ATP2B1: variants seen among roughly 807,000 people sequenced by gnomAD.
ATP2B1 encodes ATPase plasma membrane Ca2+ transporting 1.
ATP2B1 carries 14 observed loss-of-function variants against 124.2 expected under a neutral mutation model. The ratio of observed to expected loss-of-function variants is 0.11; its 90% confidence interval spans 0.07 to 0.18. The LOEUF (loss-of-function observed/expected upper bound fraction) is 0.18. ATP2B1 is among the 10% of genes least tolerant of loss of function. The pLI, the probability that ATP2B1 is intolerant of heterozygous loss-of-function variation, is 1.00. For missense variants in ATP2B1, 763 were observed against 1,466.1 expected (o/e 0.52, Z 7.83); for synonymous variants, 449 against 492.4 (o/e 0.91, Z 1.17).
intron 8 of ATP2B1, among the ~76,000 whole-genome samples, chr12:89,625,193 G>A (rs375538310): frequency 2.0e-5 from 3 of 152,102 alleles, no homozygotes; most frequent in African/African-American, 7.2e-5. Context: ...CTGAACCCAG[G>A]AGGCAGAGGT....
intron 1 of ATP2B1, among the ~76,000 whole-genome samples, chr12:89,677,071 C>T (rs1274377890): frequency 6.6e-6 from 1 of 152,086 alleles, no homozygotes; most frequent in Non-Finnish European, 1.5e-5. Context: ...AATCACAGTG[C>T]TATCCTGAAA....
intron 1 of ATP2B1, among the ~76,000 whole-genome samples, chr12:89,703,056 A>G (rs1291664964): frequency 6.6e-6 from 1 of 152,248 alleles, no homozygotes; most frequent in Non-Finnish European, 1.5e-5. Context: ...GGTGTAGCCA[A>G]CAAGACTAAG....
chr12:89,591,635 G>A lies in ATP2B1; in HGVS notation c.3352-340C>T, dbSNP rs140989483. On this transcript the variant is annotated intron_variant, in intron 20 of 20. Coordinates refer to ENST00000428670, the MANE Select transcript of ATP2B1 (RefSeq NM_001366521.1). The stretch of plus-strand genomic sequence containing the variant: ...AAAACAAAAACTTAACCATACACAA[G>A]CTTAGCTGATTTTTTAAATTAAAAA... 6.6e-5 allele frequency among the ~76,000 whole-genome samples: 10 copies of A among 151,924 alleles called. No individual in the cohort carries two copies. The East Asian group carries it at 1.9e-3, about 29-fold the overall frequency.
chr12:89,677,316 T>C (rs1007258828), intron 1 of ATP2B1, among the ~76,000 whole-genome samples: 13 of 152,280 alleles, frequency 8.5e-5, no homozygotes, highest in African/African-American at 3.1e-4. Context: ...AATTGTATGC[T>C]GGGAAGCGGG....
intron 1 of ATP2B1, among the ~76,000 whole-genome samples, chr12:89,703,523 C>T (rs1042594005): frequency 6.6e-6 from 1 of 152,094 alleles, no homozygotes; most frequent in African/African-American, 2.4e-5. Flanking sequence ...ATCTTTTCTT[C>T]TAACAAAGAG....
intron 1 of ATP2B1, among the ~76,000 whole-genome samples, chr12:89,671,298 C>T (rs562178808): frequency 3.8e-4 from 58 of 152,230 alleles, no homozygotes; most frequent in African/African-American, 1.3e-3. Flanking sequence ...GGTCAAACAT[C>T]GTCTTCTAAG....
chr12:89,690,562 A>G (rs1890446824), intron 1 of ATP2B1, among the ~76,000 whole-genome samples: 1 of 152,008 alleles, frequency 6.6e-6, no homozygotes, highest in Admixed American at 6.6e-5. Context: ...GAGTTGAATT[A>G]AACAGTTTTG....
intron 8 of ATP2B1, among the ~76,000 whole-genome samples, chr12:89,624,632 T>C (rs1880529125): frequency 6.6e-6 from 1 of 152,222 alleles, no homozygotes; most frequent in Non-Finnish European, 1.5e-5. Flanking sequence ...GGATTCTTTC[T>C]TAGACTTAAT....
At chr12:89,707,739 T>C (rs899631812) in intron 1 of ATP2B1, among the ~76,000 whole-genome samples, 1 of 151,504 alleles carries the variant, frequency 6.6e-6, no homozygotes, top group Non-Finnish European at 1.5e-5. Context: ...CGCAGAAAAC[T>C]GGTGAATGAA....
chr12:89,627,396 CAAAA>C (rs59737003), intron 7 of ATP2B1, among the ~76,000 whole-genome samples: 1 of 91,288 alleles, frequency 1.1e-5, no homozygotes. Context: ...TTCCAAAATC[CAAAA>C]AAAAAAAAAA....
At chr12:89,610,663 G>C (rs1049097905) in intron 13 of ATP2B1, 155 bp from the exon 14 acceptor site, 24 of 633,734 alleles carry the variant, frequency 3.8e-5, no homozygotes, top group Non-Finnish European at 5.8e-5. Context: ...CTTGGGCATG[G>C]ACCCAGATCT....
intron 1 of ATP2B1, among the ~76,000 whole-genome samples, chr12:89,695,058 C>CAAAAAAAAAAA (rs544087541): frequency 1.8e-5 from 2 of 111,178 alleles, no homozygotes; most frequent in Non-Finnish European, 3.7e-5. Context: ...GATGCTGTTT[C>CAAAAAAAAAAA]AAAAAAAAAA....
intron 1 of ATP2B1, among the ~76,000 whole-genome samples, chr12:89,700,571 G>A (rs1328403693): frequency 6.6e-6 from 1 of 152,062 alleles, no homozygotes; most frequent in Non-Finnish European, 1.5e-5. Flanking sequence ...TATTAGCAAG[G>A]GAGAATGGAG....
intron 1 of ATP2B1, 154 bp from the exon 2 acceptor site, chr12:89,656,261 C>T: frequency 2.6e-6 from 1 of 386,958 alleles, no homozygotes; most frequent in East Asian, 3.7e-5. Flanking sequence ...AAGTGCTTTG[C>T]ATGATAAAAG....
At chr12:89,619,817 A>G (rs1365861298) in intron 11 of ATP2B1, among the ~76,000 whole-genome samples, 182 bp downstream of exon 11, 2 of 152,188 alleles carry the variant, frequency 1.3e-5, no homozygotes, top group African/African-American at 2.4e-5. Context: ...AAGAGAAGCT[A>G]GAGTGTGAAA....
chr12:89,655,695 T>C lies in ATP2B1; in HGVS notation c.192A>G (p.Lys64=). 1 of 1,614,112 alleles carries C rather than the reference T, an allele frequency of 6.2e-7. No individual in the cohort carries two copies. Among genetic ancestry groups the C allele is most frequent in the Non-Finnish European group, 8.5e-7 (1 of 1,179,964 alleles). ...AAAACTCACCTTCATTGGGAGATGT[T>C]TTCAATTTGGTGCAAATTCCATAGA... ...GDVYGICTKL[K]TSPNEGLSGN... Residue 64 remains lysine (K), a synonymous_variant, in exon 2 of 21, where the codon AAA becomes AAG. Coordinates refer to ENST00000428670, the MANE Select transcript of ATP2B1 (RefSeq NM_001366521.1).
chr12:89,609,815 C>A, intron 15 of ATP2B1, 122 bp downstream of exon 15: 2 of 797,258 alleles, frequency 2.5e-6, no homozygotes, highest in African/African-American at 1.7e-5. Flanking sequence ...ATTAATTATC[C>A]CTCGAACTAA....
chr12:89,658,993 T>C (rs1054763289), intron 1 of ATP2B1, among the ~76,000 whole-genome samples: 4 of 152,216 alleles, frequency 2.6e-5, no homozygotes, highest in Admixed American at 2.0e-4. Flanking sequence ...TAGCTCCTTT[T>C]ACTATTTTCT....
chr12:89,665,127 C>T (rs1887155234), intron 1 of ATP2B1, among the ~76,000 whole-genome samples: 1 of 152,114 alleles, frequency 6.6e-6, no homozygotes, highest in Non-Finnish European at 1.5e-5. Flanking sequence ...CCACACCCGG[C>T]CTATTATGCT....
Sources: allele counts gnomAD v4.1 joint callset (sites outside exome capture counted in the v4.1 genomes callset), GRCh38; gene constraint gnomAD v4.1.1; transcripts MANE v1.5; gene names NCBI Gene and HGNC (gene_info 2026-07-23, HGNC 2026-07-21).